UBASH3B: variants seen among roughly 807,000 people sequenced by gnomAD.
UBASH3B encodes the protein ubiquitin associated and SH3 domain containing B.
Under a neutral mutation model 83.4 loss-of-function variants are expected in UBASH3B, and 37 were observed. The ratio of observed to expected loss-of-function variants is 0.44; its 90% CI spans 0.34 to 0.58. UBASH3B has a LOEUF of 0.58. Ranked by LOEUF, UBASH3B falls within the 20% of genes least tolerant of loss-of-function variation. The pLI, the probability that UBASH3B is intolerant of heterozygous loss-of-function variation, is 0.01. For synonymous variants in UBASH3B, 304 were observed against 318.3 expected (o/e 0.96, Z 0.48); for missense variants, 657 against 827.2 (o/e 0.79, Z 2.52).
intron 11 of UBASH3B, among the ~76,000 whole-genome samples, chr11:122,805,691 C>T (rs914571907): frequency 3.0e-4 from 45 of 152,272 alleles, no homozygotes; most frequent in Non-Finnish European, 2.6e-4. Context: ...CCACCAAGTC[C>T]CTCCCACAAC....
chr11:122,685,027 CG>C (rs1235352880), intron 1 of UBASH3B, among the ~76,000 whole-genome samples: 1 of 152,192 alleles, frequency 6.6e-6, no homozygotes, highest in Non-Finnish European at 1.5e-5. Flanking sequence ...CATATCTTCA[CG>C]GGCCGCGGGT....
At chr11:122,740,306 A>T (rs1000989243) in intron 1 of UBASH3B, among the ~76,000 whole-genome samples, 11 of 152,182 alleles carry the variant, frequency 7.2e-5, no homozygotes, top group Non-Finnish European at 1.5e-4. Context: ...TTTGAACTGC[A>T]CCTTGAATTG....
At chr11:122,783,300 A>G (rs147199411) in intron 5 of UBASH3B, 78 bp downstream of exon 5, 3 of 1,517,506 alleles carry the variant, frequency 2.0e-6, no homozygotes. Context: ...CTGCAGGGAG[A>G]TGGGTACCTA....
rs574078976 is a variant in UBASH3B, at chr11:122,768,899, A to G, written c.162-7320A>G. 1.4e-4 allele frequency among the ~76,000 whole-genome samples: 22 copies of G among 152,314 alleles called. No individual in the cohort carries two copies. The South Asian group carries it at 4.6e-3, about 32-fold the overall frequency. On this transcript the variant is annotated intron_variant, in intron 1 of 13. Coordinates refer to ENST00000284273, the MANE Select transcript of UBASH3B (RefSeq NM_032873.5). ...ACTGATTTATGGACTTTTAATCACA[A>G]CGTCTAAAACCAACCCCTGTTACGG...
chr11:122,667,107 G>T (rs182796864), intron 1 of UBASH3B, among the ~76,000 whole-genome samples: 40 of 132,288 alleles, frequency 3.0e-4, no homozygotes, highest in Non-Finnish European at 5.2e-4. Flanking sequence ...GCAATGTTGT[G>T]ATCTCAGCTC....
chr11:122,729,040 T>G (rs1376832120), intron 1 of UBASH3B, among the ~76,000 whole-genome samples: 2 of 152,200 alleles, frequency 1.3e-5, no homozygotes, highest in Admixed American at 6.5e-5. Context: ...GGCCTTTAAC[T>G]AGAAAGATCA....
Position 122,759,467 on chromosome 11 carries a change from T to C in UBASH3B, c.162-16752T>C, listed in dbSNP as rs990248958. 1.3e-5 allele frequency among the ~76,000 whole-genome samples: 2 copies of C among 152,176 alleles called. No individual in the cohort carries two copies. Among genetic ancestry groups the C allele is most frequent in the Non-Finnish European group, 2.9e-5 (2 of 68,030 alleles). On this transcript the variant is annotated intron_variant, in intron 1 of 13. Transcript: ENST00000284273. This position sits in a 1 kb window ranked among gnomAD's most constrained non-coding sequence, Gnocchi z 4.1. ...TTATTGTGCACTTTATTCCTATTAT[T>C]ATTACATTGTAATATATAATGAAAT... is the stretch of plus-strand genomic sequence containing the variant.
chr11:122,671,991 T>C (rs977492447), intron 1 of UBASH3B, among the ~76,000 whole-genome samples: 10 of 152,054 alleles, frequency 6.6e-5, no homozygotes, highest in African/African-American at 2.4e-4. Flanking sequence ...GAATGGGTTG[T>C]CCTGGGAAAC....
In UBASH3B at chr11:122,808,139, C is replaced by G. The variant is rs138641120; in HGVS notation, c.1775C>G (p.Pro592Arg). The change falls in exon 13 of 14, where the codon CCT becomes CGT. Residue 592 changes from proline to arginine, a missense_variant. By Grantham distance (103) the Pro-to-Arg change is moderately radical (BLOSUM62 -2). This residue lies in a region of UBASH3B where 573 missense variants were observed against 739.0 expected (regional missense o/e 0.78). Transcript: ENST00000284273. ...ACTCQLQGLS[P>R]QNSKDFVQMV... ...ACCTGCCAACTTCAGGGCCTGTCAC[C>G]TCAGAACTCCAAGGACTTCGTACAA... The G allele has an allele frequency of 2.5e-6, 4 of 1,614,052 alleles. No individual in the cohort carries two copies. Among genetic ancestry groups the G allele is most frequent in the Non-Finnish European group, 3.4e-6 (4 of 1,180,022 alleles).
At position 122,698,777 on chromosome 11, in the gene UBASH3B, G is replaced by A. The variant is rs79432452; in HGVS notation, c.161+42567G>A. Among the ~76,000 whole-genome samples the A allele has an allele frequency of 7.7e-3, 1,178 of 152,280 alleles. 38 individuals are homozygous for A. The East Asian group carries it at 0.11, about 14-fold the overall frequency. On this transcript the variant is annotated intron_variant, in intron 1 of 13. Coordinates refer to ENST00000284273, the MANE Select transcript of UBASH3B (RefSeq NM_032873.5). ...TCTGGAAATCTATTTGCTTCAGTAC[G>A]GTCATTAATGTTCACTTTAATCTGA...
intron 1 of UBASH3B, among the ~76,000 whole-genome samples, chr11:122,675,360 C>T (rs1288494809): frequency 6.6e-6 from 1 of 152,138 alleles, no homozygotes; most frequent in African/African-American, 2.4e-5. Flanking sequence ...TCTGTTCCTC[C>T]GTGTGAAAGT....
intron 1 of UBASH3B, among the ~76,000 whole-genome samples, chr11:122,733,340 C>A (rs966479417): frequency 6.5e-4 from 99 of 152,316 alleles, no homozygotes; most frequent in African/African-American, 2.1e-3. Flanking sequence ...TTAAAAAATT[C>A]TTCAGGGAAA....
intron 1 of UBASH3B, among the ~76,000 whole-genome samples, chr11:122,713,971 A>T (rs1053165907): frequency 2.0e-5 from 3 of 148,610 alleles, no homozygotes; most frequent in African/African-American, 7.6e-5. Flanking sequence ...TGGCTCACAG[A>T]ACTATCAGGG....
chr11:122,673,119 G>A (rs1004069806), intron 1 of UBASH3B, among the ~76,000 whole-genome samples: 2 of 152,214 alleles, frequency 1.3e-5, no homozygotes, highest in African/African-American at 4.8e-5. Context: ...ACAGTGAGTT[G>A]TGCTCAGCAT....
chr11:122,664,852 T>C (rs531839923), intron 1 of UBASH3B, among the ~76,000 whole-genome samples: 2 of 152,376 alleles, frequency 1.3e-5, no homozygotes, highest in South Asian at 4.1e-4. Context: ...TCTGGCACTC[T>C]GAAGTCAACT....
intron 1 of UBASH3B, among the ~76,000 whole-genome samples, chr11:122,693,166 G>T (rs1863917767): frequency 6.6e-6 from 1 of 152,200 alleles, no homozygotes; most frequent in Non-Finnish European, 1.5e-5. Context: ...ACCTTCTTAA[G>T]GGTGGGGGCG....
chr11:122,711,788 G>A (rs1565537733), intron 1 of UBASH3B, among the ~76,000 whole-genome samples: 1 of 152,148 alleles, frequency 6.6e-6, no homozygotes, highest in African/African-American at 2.4e-5. Flanking sequence ...TGCCTTCAAT[G>A]TCCCACTGAC....
chr11:122,687,094 C>T (rs1257043153), intron 1 of UBASH3B, among the ~76,000 whole-genome samples: 2 of 152,112 alleles, frequency 1.3e-5, no homozygotes, highest in Admixed American at 6.5e-5. Context: ...GTCTCGAACT[C>T]CCGACCTCAA....
rs552554479 is a variant in UBASH3B at position 122,665,941 on chromosome 11, C to T, written c.161+9731C>T. Among the ~76,000 whole-genome samples the T allele has an allele frequency of 6.6e-5, 10 of 152,294 alleles. No homozygotes were observed. The East Asian group carries it at 9.7e-4, about 15-fold the overall frequency. ...CACCAGCTGTTTGGGTGACACTTCC[C>T]GTTGTGCTCCCGGCCTCTGTGGAAG... is the stretch of plus-strand genomic sequence containing the variant. On this transcript the variant is annotated intron_variant, in intron 1 of 13. Transcript: ENST00000284273.
Sources: gnomAD v4.1 joint callset for allele counts (sites outside exome capture counted in the v4.1 genomes callset) on GRCh38, gnomAD v4.1.1 for gene constraint, gnomAD v4.1.1 regional missense constraint, Gnocchi (gnomAD v3.1) non-coding constraint, MANE v1.5 for transcripts, NCBI Gene and HGNC (gene_info 2026-07-23, HGNC 2026-07-21) for gene names.